LRP4: variants seen among roughly 807,000 people sequenced by gnomAD.
LRP4 encodes low-density lipoprotein receptor-related protein 4.
A neutral mutation model predicts 220.3 loss-of-function variants in LRP4; 95 were observed. The ratio of observed to expected loss-of-function variants is 0.43; its 90% CI spans 0.37 to 0.51. The LOEUF (loss-of-function observed/expected upper bound fraction) is 0.51. Ranked by LOEUF, LRP4 falls within the 20% of genes least tolerant of loss-of-function variation. LRP4 has a pLI of 0.00. For missense variants in LRP4, 1,925 were observed against 2,567.0 expected (o/e 0.75, Z 5.40); for synonymous variants, 903 against 954.6 (o/e 0.95, Z 1.00).
chr11:46,898,290 A>T (rs933027830), intron 7 of LRP4, among the ~76,000 whole-genome samples: 1 of 152,162 alleles, frequency 6.6e-6, no homozygotes, highest in African/African-American at 2.4e-5. Flanking sequence ...GGTTCAAGCG[A>T]TTCTCCTGCC....
chr11:46,892,908 C>G (rs898491145), intron 13 of LRP4, 65 bp downstream of exon 13: 4 of 1,579,660 alleles, frequency 2.5e-6, no homozygotes, highest in Non-Finnish European at 2.6e-6. Context: ...AATGTCTAGT[C>G]CAGGTAGCCT....
rs746063181 is a variant in LRP4 at position 46,899,083 on chromosome 11, G to A, written c.548-51C>T. On this transcript the variant is annotated intron_variant, in intron 5 of 37. Coordinates refer to ENST00000378623, the MANE Select transcript of LRP4 (RefSeq NM_002334.4). The surrounding 1 kb of genome is among the most constrained non-coding windows in gnomAD (Gnocchi z 5.9). ...GGGCACACACTCAGGCCTGGATGAA[G>A]GAGAGGGGCCCTGATTCCTCAAGCA... 2.2e-5 allele frequency: 34 copies of A among 1,566,610 alleles called. No individual in the cohort carries two copies. The highest frequency in any genetic ancestry group is 2.9e-5 in the Non-Finnish European group (33 of 1,145,764).
intron 12 of LRP4, among the ~76,000 whole-genome samples, chr11:46,893,361 C>T (rs1941461687): frequency 6.6e-6 from 1 of 152,186 alleles, no homozygotes; most frequent in Non-Finnish European, 1.5e-5. Context: ...CAAGGGCATG[C>T]ACTTCCTCCT....
chr11:46,875,143 A>G lies in LRP4; in HGVS notation c.3926-40T>C, dbSNP rs764587294. The G allele has an allele frequency of 6.3e-7, 1 of 1,590,020 alleles. No individual in the cohort carries two copies. The highest frequency in any genetic ancestry group is 1.7e-5 in the Admixed American group (1 of 59,542). On this transcript the variant is annotated intron_variant, in intron 27 of 37. Transcript: ENST00000378623. This position sits in a 1 kb window ranked among gnomAD's most constrained non-coding sequence, Gnocchi z 4.5. ...CACAAGTATTCACACCTAGCCTGGA[A>G]CATCATCTGAATCTTACAAAGGTCC...
rs1940978759 is a variant in LRP4 at position 46,875,242 on chromosome 11, G to A, written c.3926-139C>T. 1.0e-5 allele frequency: 10 copies of A among 990,408 alleles called. No individual in the cohort carries two copies. The South Asian group carries it at 1.1e-4, about 11-fold the overall frequency. The allele number at this position is 990,408 out of a possible 1,614,324, so 61.4% of individuals were successfully genotyped here. Reference sequence around the variant, plus strand: ...GCCTGGCAGGGTGAGGTAGAAGGAGGGTCTGCAGGAGGATCTCCAGGAGTC... The same window carrying A: ...GCCTGGCAGGGTGAGGTAGAAGGAGAGTCTGCAGGAGGATCTCCAGGAGTC... On this transcript the variant is annotated intron_variant, in intron 27 of 37. Transcript: ENST00000378623. The surrounding 1 kb of genome is among the most constrained non-coding windows in gnomAD (Gnocchi z 4.5).
chr11:46,905,231 C>T (rs910975293), intron 1 of LRP4, among the ~76,000 whole-genome samples: 2 of 152,172 alleles, frequency 1.3e-5, no homozygotes, highest in Non-Finnish European at 2.9e-5. Flanking sequence ...GGGTTTTTCT[C>T]ACTCAGATCC....
At chr11:46,878,380 A>G (rs1455535109) in intron 22 of LRP4, among the ~76,000 whole-genome samples, 1 of 149,186 alleles carries the variant, frequency 6.7e-6, no homozygotes, top group Non-Finnish European at 1.5e-5. Context: ...CCCAGGTTCA[A>G]GCAATTCTTC....
intron 33 of LRP4, among the ~76,000 whole-genome samples, 167 bp from the exon 34 acceptor site, chr11:46,868,281 CAAT>C (rs1940756364): frequency 6.6e-6 from 1 of 152,098 alleles, no homozygotes; most frequent in African/African-American, 2.4e-5. Flanking sequence ...GAGTTGGATT[CAAT>C]AATAATAGCT....
rs763102806 is a variant in LRP4, at chr11:46,869,067, T to C, written c.4758A>G (p.Ser1586=). 5 of 1,614,186 alleles carry C rather than the reference T, an allele frequency of 3.1e-6. No individual in the cohort carries two copies. The South Asian group carries it at 4.4e-5, about 14-fold the overall frequency. ...CCAGCACTGTCTCCTTGTTCCGGCC[T>C]GAGTATTTGTCAACACGCTGGATTG... ...TKSIQRVDKY[S]GRNKETVLAN... is the part of the protein sequence containing the mutation. The change falls in exon 32 of 38, where the codon TCA becomes TCG. Residue 1586 remains serine, a synonymous_variant. Coordinates refer to ENST00000378623, the MANE Select transcript of LRP4 (RefSeq NM_002334.4).
At position 46,873,329 on chromosome 11, in the gene LRP4, C is replaced by G; in HGVS notation, c.4448+46G>C. The G allele has an allele frequency of 6.2e-7, 1 of 1,612,350 alleles. No homozygotes were observed. The highest frequency in any genetic ancestry group is 8.5e-7 in the Non-Finnish European group (1 of 1,178,892). On this transcript the variant is annotated intron_variant, in intron 29 of 37. Transcript: ENST00000378623. The surrounding 1 kb of genome is among the most constrained non-coding windows in gnomAD (Gnocchi z 4.2). Reference sequence around the variant, plus strand: ...GGACCCACTAACACCATCTTTCCACCCAGCCCTTCTTCCCTGGATCTCTCT... The same window carrying G: ...GGACCCACTAACACCATCTTTCCACGCAGCCCTTCTTCCCTGGATCTCTCT...
chr11:46,859,825 G>A (rs1592506673), intron 37 of LRP4, among the ~76,000 whole-genome samples: 1 of 152,194 alleles, frequency 6.6e-6, no homozygotes, highest in Non-Finnish European at 1.5e-5. Flanking sequence ...ATTGGCAAGA[G>A]CAATTAAATG....
intron 37 of LRP4, 50 bp from the exon 38 acceptor site, chr11:46,859,365 G>T (rs1940478216): frequency 7.3e-7 from 1 of 1,365,448 alleles, no homozygotes; most frequent in Non-Finnish European, 1.0e-6. Flanking sequence ...CTTCTACAAA[G>T]GATCCCATGG....
intron 16 of LRP4, among the ~76,000 whole-genome samples, chr11:46,886,870 T>C (rs1477449897): frequency 6.6e-6 from 1 of 152,180 alleles, no homozygotes; most frequent in Non-Finnish European, 1.5e-5. Context: ...CCTACTTCCC[T>C]GATGTTCATG....
intron 7 of LRP4, among the ~76,000 whole-genome samples, chr11:46,898,344 C>G (rs7112518): frequency 2.0e-5 from 3 of 152,146 alleles, no homozygotes; most frequent in Admixed American, 6.5e-5. Flanking sequence ...CGCCACCACA[C>G]CCAGCTAAGT....
chr11:46,913,595 G>C (rs1298961036), intron 1 of LRP4, among the ~76,000 whole-genome samples: 1 of 152,126 alleles, frequency 6.6e-6, no homozygotes, highest in Non-Finnish European at 1.5e-5. Context: ...GAGCTCTGGA[G>C]CCTGACTCCT....
At chr11:46,888,563 A>AAAAAAAAAAAAAAAAAAAG (rs1941350724) in intron 16 of LRP4, among the ~76,000 whole-genome samples, 2 of 145,220 alleles carry the variant, frequency 1.4e-5, no homozygotes. Context: ...AAAAAAAAAA[A>AAAAAAAAAAAAAAAAAAAG]AAAAAAAAAA....
At chr11:46,910,075 C>A (rs771509363) in intron 1 of LRP4, among the ~76,000 whole-genome samples, 10 of 152,182 alleles carry the variant, frequency 6.6e-5, no homozygotes, top group Admixed American at 1.3e-4. Flanking sequence ...GAAGTCTTCT[C>A]CTCAGTGGCC....
intron 36 of LRP4, chr11:46,862,951 G>T (rs1320847594): frequency 8.3e-6 from 5 of 600,582 alleles, no homozygotes; most frequent in Non-Finnish European, 1.2e-5. Context: ...ATGCAAATGT[G>T]ATGGCTACTA....
chr11:46,888,014 CAAAA>C (rs59369000), intron 16 of LRP4, among the ~76,000 whole-genome samples: 6 of 45,910 alleles, frequency 1.3e-4, no homozygotes, highest in African/African-American at 5.7e-4. Flanking sequence ...GACCCTGTCT[CAAAA>C]AAAAAAAAAA....
Sources: allele counts gnomAD v4.1 joint callset (sites outside exome capture counted in the v4.1 genomes callset), GRCh38; gene constraint gnomAD v4.1.1; non-coding constraint Gnocchi (gnomAD v3.1); transcripts MANE v1.5; gene names NCBI Gene and HGNC (gene_info 2026-07-23, HGNC 2026-07-21).